Variants in CSMD3 observed in about 807,000 individuals in gnomAD.
CSMD3 encodes the protein CUB and sushi domain-containing protein 3.
A neutral mutation model predicts 435.2 loss-of-function variants in CSMD3; 177 were observed. The observed-to-expected ratio is 0.41, with a 90% CI of 0.36 to 0.46. CSMD3 has a LOEUF of 0.46. Among genes scored for constraint, CSMD3 ranks in the 20% least tolerant of loss-of-function variants. The pLI, the probability that CSMD3 is intolerant of heterozygous loss-of-function variation, is 0.34. For missense variants in CSMD3, 4,265 were observed against 4,504.6 expected, an observed-to-expected ratio of 0.95 and a Z score of 1.52; for synonymous variants, 1,656 against 1,520.5, an observed-to-expected ratio of 1.09 and a Z score of -2.07.
chr8:113,325,092 G>A (rs1308310197), intron 1 of CSMD3, among the ~76,000 whole-genome samples: 1 of 152,222 alleles, frequency 6.6e-6, no homozygotes, highest in African/African-American at 2.4e-5. Context: ...GATTTTACAA[G>A]CTCACAGATG....
chr8:113,141,692 C>T (rs2091553111), intron 4 of CSMD3, among the ~76,000 whole-genome samples: 1 of 150,872 alleles, frequency 6.6e-6, no homozygotes, highest in Admixed American at 6.6e-5. Flanking sequence ...CTCAACATAA[C>T]AAAGAACATT....
At chr8:113,094,334 T>G (rs2090097106) in intron 5 of CSMD3, among the ~76,000 whole-genome samples, 2 of 152,304 alleles carry the variant, frequency 1.3e-5, no homozygotes, top group African/African-American at 4.8e-5. Context: ...CTTCACTTTC[T>G]TCTTCTGCCT....
At chr8:112,449,253 A>T (rs1237731944) in intron 32 of CSMD3, among the ~76,000 whole-genome samples, 2 of 152,190 alleles carry the variant, frequency 1.3e-5, no homozygotes, top group Non-Finnish European at 2.9e-5. Flanking sequence ...GAGGTAATTC[A>T]TGAGAAAGGA....
intron 3 of CSMD3, among the ~76,000 whole-genome samples, chr8:113,223,843 A>G (rs1174628696): frequency 6.6e-6 from 1 of 150,566 alleles, no homozygotes; most frequent in African/African-American, 2.4e-5. Context: ...TGTTTCTGCT[A>G]CTAAAATACA....
chr8:112,630,542 C>A (rs1049310273), intron 22 of CSMD3, among the ~76,000 whole-genome samples: 1 of 151,994 alleles, frequency 6.6e-6, no homozygotes, highest in Non-Finnish European at 1.5e-5. Flanking sequence ...TATTATTATT[C>A]TTATGCTACT....
chr8:112,704,650 C>CCTCT (rs377167995), intron 13 of CSMD3, among the ~76,000 whole-genome samples: 2 of 150,454 alleles, frequency 1.3e-5, no homozygotes, highest in African/African-American at 2.4e-5. Context: ...GTAGCTCCAT[C>CCTCT]CTCTCTCTCT....
At chr8:112,617,385 G>A (rs988959204) in intron 22 of CSMD3, among the ~76,000 whole-genome samples, 19 of 152,152 alleles carry the variant, frequency 1.2e-4, no homozygotes, top group Admixed American at 3.3e-4. Context: ...CCAGATAAGT[G>A]CATGAATTAA....
Position 112,966,033 on chromosome 8 carries a change from T to C in CSMD3, c.1342+9804A>G, listed in dbSNP as rs2084403006. On this transcript the variant is annotated intron_variant, in intron 7 of 70. Coordinates refer to ENST00000297405, the MANE Select transcript of CSMD3 (RefSeq NM_198123.2). The stretch of plus-strand genomic sequence containing the variant: ...TAATTAGGGAAAGTCAAGAGAACAA[T>C]GGAAAAAGTAAACAAAAAGTATGGC... Among the ~76,000 whole-genome samples, 3 of 151,702 alleles carry C rather than the reference T, an allele frequency of 2.0e-5. No homozygotes were observed. The South Asian group carries it at 6.2e-4, about 31-fold the overall frequency.
chr8:113,274,225 T>C (rs1190408283), intron 3 of CSMD3, among the ~76,000 whole-genome samples: 6 of 152,086 alleles, frequency 3.9e-5, no homozygotes, highest in African/African-American at 2.4e-5. Flanking sequence ...ATGGATACTA[T>C]ATGGAATTTA....
chr8:112,287,324 A>C, intron 57 of CSMD3, 78 bp from the exon 58 acceptor site: 4 of 1,433,530 alleles, frequency 2.8e-6, no homozygotes, highest in Non-Finnish European at 3.9e-6. Flanking sequence ...AGGGCCTGGT[A>C]GGCATTTGTT....
At chr8:113,078,842 T>A (rs913928259) in intron 5 of CSMD3, among the ~76,000 whole-genome samples, 7 of 152,140 alleles carry the variant, frequency 4.6e-5, no homozygotes, top group Admixed American at 2.6e-4. Flanking sequence ...AAAGCAGTCC[T>A]CACAAAATAC....
intron 30 of CSMD3, 130 bp downstream of exon 30, chr8:112,503,660 A>C (rs183330634): frequency 3.2e-6 from 2 of 615,858 alleles, no homozygotes; most frequent in Admixed American, 3.2e-5. Context: ...TTATGAGATG[A>C]ACTGTACATA....
At chr8:112,939,505 T>C (rs1318006702) in intron 9 of CSMD3, among the ~76,000 whole-genome samples, 1 of 152,018 alleles carries the variant, frequency 6.6e-6, no homozygotes, top group Non-Finnish European at 1.5e-5. Flanking sequence ...TTGTGTAGAA[T>C]AAATAACTTC....
intron 4 of CSMD3, among the ~76,000 whole-genome samples, chr8:113,107,455 T>G (rs1017562683): frequency 6.6e-6 from 1 of 152,158 alleles, no homozygotes; most frequent in Non-Finnish European, 1.5e-5. Context: ...CAGGTATTGG[T>G]TCTAGGATCT....
chr8:112,929,367 T>G (rs886217784), intron 9 of CSMD3, among the ~76,000 whole-genome samples: 3 of 108,954 alleles, frequency 2.8e-5, no homozygotes, highest in Non-Finnish European at 3.8e-5. Flanking sequence ...CCCTAAAACT[T>G]AAAGCATAAT....
At chr8:113,277,151 A>G (rs572385447) in intron 3 of CSMD3, among the ~76,000 whole-genome samples, 1 of 152,036 alleles carries the variant, frequency 6.6e-6, no homozygotes. Flanking sequence ...AAATAATTGC[A>G]TTACTAACTT....
intron 41 of CSMD3, among the ~76,000 whole-genome samples, chr8:112,343,734 C>T (rs1825396344): frequency 6.6e-6 from 1 of 152,104 alleles, no homozygotes; most frequent in African/African-American, 2.4e-5. Context: ...TAAACTCAAA[C>T]TCCGGTACTC....
chr8:113,017,131 T>C (rs531173912), intron 6 of CSMD3, among the ~76,000 whole-genome samples: 3 of 152,092 alleles, frequency 2.0e-5, no homozygotes, highest in African/African-American at 7.2e-5. Context: ...TTGAGTCCCT[T>C]TTCCTGCAGC....
rs145180355 is a variant in CSMD3 at position 112,491,743 on chromosome 8, C to T, written c.5278+746G>A. On this transcript the variant is annotated intron_variant, in intron 31 of 70. Transcript: ENST00000297405. Reference sequence around the variant, plus strand: ...TTTTAATTTAATTTTATTTGATTAACTTCTATGTCTATTATAAAAATGCTG... The same window carrying T: ...TTTTAATTTAATTTTATTTGATTAATTTCTATGTCTATTATAAAAATGCTG... 2.5e-4 allele frequency among the ~76,000 whole-genome samples: 38 copies of T among 152,128 alleles called. 1 individual carries two copies. In the East Asian group the frequency reaches 7.3e-3, roughly 29 times the overall value.
Sources: allele counts gnomAD v4.1 joint callset (sites outside exome capture counted in the v4.1 genomes callset), GRCh38; gene constraint gnomAD v4.1.1; transcripts MANE v1.5; gene names NCBI Gene and HGNC (gene_info 2026-07-23, HGNC 2026-07-21).